Variants in EXOC6 observed in about 807,000 individuals in gnomAD.
The protein encoded by EXOC6 is exocyst complex component 6.
A neutral mutation model predicts 112.5 loss-of-function variants in EXOC6; 60 were observed. The observed-to-expected ratio is 0.53, with a 90% CI of 0.43 to 0.66. The LOEUF is 0.66. Ranked by LOEUF, EXOC6 falls within the 30% of genes least tolerant of loss-of-function variation. The probability of loss-of-function intolerance (pLI) is 0.00; values close to 1 mark genes in which losing one functional copy is unlikely to be tolerated. For synonymous variants in EXOC6, 295 were observed against 308.0 expected (o/e 0.96, Z 0.44); for missense variants, 855 against 957.1 (o/e 0.89, Z 1.41).
At chr10:93,003,223 A>G (rs1843833266) in intron 19 of EXOC6, among the ~76,000 whole-genome samples, 1 of 152,160 alleles carries the variant, frequency 6.6e-6, no homozygotes, top group Admixed American at 6.5e-5. Flanking sequence ...AACATCATAC[A>G]TGTATTTCCT....
intron 1 of EXOC6, among the ~76,000 whole-genome samples, chr10:92,837,510 CT>C (rs1177425419): frequency 6.6e-6 from 1 of 152,076 alleles, no homozygotes; most frequent in Non-Finnish European, 1.5e-5. Context: ...CTATAAAACA[CT>C]TTTTAAAATT....
intron 20 of EXOC6, among the ~76,000 whole-genome samples, chr10:93,049,131 C>A (rs1346385692): frequency 6.6e-6 from 1 of 151,440 alleles, no homozygotes; most frequent in Non-Finnish European, 1.5e-5. Flanking sequence ...AATCTCAGAT[C>A]ACTGCAAGCT....
At chr10:92,884,053 C>T (rs1437606724) in intron 1 of EXOC6, among the ~76,000 whole-genome samples, 1 of 152,060 alleles carries the variant, frequency 6.6e-6, no homozygotes, top group Non-Finnish European at 1.5e-5. Flanking sequence ...TGTGCTACCA[C>T]AACTGGCTAA....
At chr10:92,985,492 GT>G (rs1842968185) in intron 18 of EXOC6, among the ~76,000 whole-genome samples, 1 of 151,890 alleles carries the variant, frequency 6.6e-6, no homozygotes, top group Admixed American at 6.6e-5. Flanking sequence ...CTTTTTTGAA[GT>G]TCTATACTTT....
rs146759586 is a variant in EXOC6, at chr10:92,952,657, T to C, written c.1526+275T>C. On this transcript the variant is annotated intron_variant, in intron 15 of 21. Coordinates refer to ENST00000260762, the MANE Select transcript of EXOC6 (RefSeq NM_019053.6). ...TTGTTTCCATTTTTACATCCATGTGTACCTAGTGTTTAGCTCCCACTTACA... is the reference window on the plus strand; with the variant it reads ...TTGTTTCCATTTTTACATCCATGTGCACCTAGTGTTTAGCTCCCACTTACA... Among the ~76,000 whole-genome samples the C allele has an allele frequency of 7.0e-3, 1,072 of 152,320 alleles. 5 individuals are homozygous for C. Among genetic ancestry groups the C allele is most frequent in the Middle Eastern group, 0.037 (11 of 294 alleles).
At chr10:92,978,863 A>G (rs1456127934) in intron 18 of EXOC6, among the ~76,000 whole-genome samples, 1 of 152,176 alleles carries the variant, frequency 6.6e-6, no homozygotes, top group Non-Finnish European at 1.5e-5. Flanking sequence ...ACTTACAGAC[A>G]TGAGTTAAGT....
At chr10:92,935,504 T>G (rs1308697925) in intron 11 of EXOC6, among the ~76,000 whole-genome samples, 1 of 152,062 alleles carries the variant, frequency 6.6e-6, no homozygotes, top group Non-Finnish European at 1.5e-5. Flanking sequence ...AGATGGAAAA[T>G]AAGTAAATAG....
chr10:92,841,544 G>A (rs1190361704), intron 1 of EXOC6, among the ~76,000 whole-genome samples: 2 of 152,156 alleles, frequency 1.3e-5, no homozygotes, highest in African/African-American at 2.4e-5. Context: ...CTGTGACAGA[G>A]GCTTGCTGCA....
intron 8 of EXOC6, among the ~76,000 whole-genome samples, chr10:92,921,857 T>C (rs1851464201): frequency 6.6e-6 from 1 of 152,020 alleles, no homozygotes; most frequent in African/African-American, 2.4e-5. Context: ...AGTATAGTCT[T>C]ACTGTTTTAT....
intron 1 of EXOC6, among the ~76,000 whole-genome samples, chr10:92,862,125 G>T (rs1028593148): frequency 6.6e-6 from 1 of 152,110 alleles, no homozygotes; most frequent in African/African-American, 2.4e-5. Flanking sequence ...AAGAAACCTT[G>T]TACACATTAA....
At chr10:92,882,104 T>C (rs1011589354) in intron 1 of EXOC6, among the ~76,000 whole-genome samples, 1 of 152,178 alleles carries the variant, frequency 6.6e-6, no homozygotes, top group African/African-American at 2.4e-5. Flanking sequence ...TTTGATAAAA[T>C]GGTTGGGAAA....
At chr10:93,054,691 G>A (rs899113573) in intron 20 of EXOC6, among the ~76,000 whole-genome samples, 6 of 152,162 alleles carry the variant, frequency 3.9e-5, no homozygotes, top group Admixed American at 2.0e-4. Flanking sequence ...TCATTAAGTC[G>A]GCTCCTCCTT....
intron 20 of EXOC6, among the ~76,000 whole-genome samples, chr10:93,017,376 G>A (rs367792084): frequency 2.6e-4 from 40 of 151,670 alleles, no homozygotes; most frequent in African/African-American, 9.4e-4. Flanking sequence ...GGATCATGAG[G>A]TCAGGAGATA....
At chr10:93,002,466 G>C (rs1424508782) in intron 19 of EXOC6, among the ~76,000 whole-genome samples, 1 of 152,044 alleles carries the variant, frequency 6.6e-6, no homozygotes, top group East Asian at 1.9e-4. Flanking sequence ...GAGCTTGTTA[G>C]AAATGCAAAT....
intron 20 of EXOC6, among the ~76,000 whole-genome samples, chr10:93,054,820 C>A (rs1335363851): frequency 6.6e-6 from 1 of 152,136 alleles, no homozygotes; most frequent in Non-Finnish European, 1.5e-5. Context: ...AAAGAAGAAT[C>A]CTTGAAAATG....
intron 5 of EXOC6, chr10:92,901,450 C>T (rs1015329258): frequency 1.1e-4 from 16 of 151,496 alleles, no homozygotes; most frequent in African/African-American, 4.8e-5. Context: ...TGTGAACTTA[C>T]GCATTTTTAA....
At chr10:93,058,163 T>A in intron 21 of EXOC6, 60 bp from the exon 22 acceptor site, 1 of 1,510,772 alleles carries the variant, frequency 6.6e-7, no homozygotes, top group Non-Finnish European at 9.0e-7. Context: ...ATATTTTACT[T>A]GTGACAGCTT....
Position 92,909,534 on chromosome 10 carries a change from G to A in EXOC6, c.566G>A (p.Arg189His), listed in dbSNP as rs778732592. ...QLMIENLPKL[R>H]EDIKEISMSD... is the part of the protein sequence containing the mutation. ...ATGATAGAAAATCTTCCCAAACTCC[G>A]TGAGGATATTAAAGAAATCTCCATG... is the stretch of plus-strand genomic sequence containing the variant. Residue 189 changes from arginine (R) to histidine (H), a missense_variant, in exon 6 of 22, where the codon CGT (arginine) becomes CAT (histidine). Arg to His is a conservative substitution (Grantham distance 29). Transcript: ENST00000260762. The A allele has an allele frequency of 3.7e-6, 6 of 1,613,046 alleles. No homozygotes were observed. The highest frequency in any genetic ancestry group is 2.2e-5 in the East Asian group (1 of 44,788).
chr10:92,843,976 CAAAAAAAAA>C (rs34641974), upstream of EXOC6, among the ~76,000 whole-genome samples: 33 of 37,916 alleles, frequency 8.7e-4, no homozygotes, highest in Admixed American at 2.3e-3. Context: ...GACTCTGTCT[CAAAAAAAAA>C]AAAAAAAAAA....
Sources: allele counts gnomAD v4.1 joint callset (sites outside exome capture counted in the v4.1 genomes callset), GRCh38; gene constraint gnomAD v4.1.1; transcripts MANE v1.5; gene names NCBI Gene and HGNC (gene_info 2026-07-23, HGNC 2026-07-21).